The following DOCK9 variants were observed in gnomAD, a reference collection of about 807,000 sequenced individuals.
The protein encoded by DOCK9 is dedicator of cytokinesis 9, also known as dedicator of cytokinesis protein 9.
Under a neutral mutation model 263.3 loss-of-function variants are expected in DOCK9, and 89 were observed. That is an observed-to-expected ratio of 0.34 (90% CI 0.28 to 0.40). DOCK9 has a LOEUF of 0.40. Ranked by LOEUF, DOCK9 falls within the 10% of genes least tolerant of loss-of-function variation. The pLI, the probability that DOCK9 is intolerant of heterozygous loss-of-function variation, is 1.00. For missense variants in DOCK9, 2,140 were observed against 2,603.4 expected, an observed-to-expected ratio of 0.82 and a Z score of 3.87; for synonymous variants, 976 against 973.1, an observed-to-expected ratio of 1.00 and a Z score of -0.06.
At chr13:98,906,771 C>A (rs112154550) in intron 9 of DOCK9, among the ~76,000 whole-genome samples, 2 of 152,270 alleles carry the variant, frequency 1.3e-5, no homozygotes, top group African/African-American at 4.8e-5. Context: ...CCATGATCAG[C>A]TGTCTATGTT....
chr13:99,002,467 A>C (rs1453250755), intron 1 of DOCK9, among the ~76,000 whole-genome samples: 1 of 152,092 alleles, frequency 6.6e-6, no homozygotes, highest in African/African-American at 2.4e-5. Flanking sequence ...TCCACATTCT[A>C]ACCTCCTAGG....
chr13:98,911,602 GT>G (rs962465009), intron 9 of DOCK9, among the ~76,000 whole-genome samples: 12 of 151,566 alleles, frequency 7.9e-5, no homozygotes, highest in African/African-American at 2.9e-4. Context: ...ACTTTAAAAA[GT>G]TTTTTTTCAG....
intron 2 of DOCK9, among the ~76,000 whole-genome samples, chr13:98,942,220 G>GTTTT (rs60412646): frequency 3.4e-4 from 45 of 132,408 alleles, no homozygotes; most frequent in East Asian, 6.3e-4. Context: ...CTCTGGTTAT[G>GTTTT]TTTTTTTTTT....
intron 2 of DOCK9, among the ~76,000 whole-genome samples, chr13:98,930,872 A>C (rs553943317): frequency 6.6e-6 from 1 of 152,204 alleles, no homozygotes; most frequent in Non-Finnish European, 1.5e-5. Flanking sequence ...TCGAACTCCT[A>C]ATCTCAGGTG....
intron 1 of DOCK9, among the ~76,000 whole-genome samples, chr13:98,958,010 G>C (rs2058248837): frequency 2.0e-5 from 3 of 152,224 alleles, no homozygotes; most frequent in Non-Finnish European, 4.4e-5. Flanking sequence ...ACTCTCCCCA[G>C]GTAAGGCCCA....
At chr13:98,860,958 T>C (rs1240064327) in intron 32 of DOCK9, among the ~76,000 whole-genome samples, 1 of 152,232 alleles carries the variant, frequency 6.6e-6, no homozygotes, top group Non-Finnish European at 1.5e-5. Flanking sequence ...CTGTAGATGT[T>C]TGTAGCATCA....
At chr13:99,015,413 A>G (rs1339641485) in intron 1 of DOCK9, 1 of 1,531,108 alleles carries the variant, frequency 6.5e-7, no homozygotes, top group Non-Finnish European at 8.8e-7. Flanking sequence ...TAACACCATT[A>G]AACTACTTGT....
chr13:98,796,310 CAG>C (rs1424126651), intron 52 of DOCK9: 1 of 1,014,414 alleles, frequency 9.9e-7, no homozygotes, highest in East Asian at 2.6e-5. Context: ...ACTAAACTGT[CAG>C]GGGATAGGAT....
intron 27 of DOCK9, among the ~76,000 whole-genome samples, chr13:98,874,760 T>C (rs1272943366): frequency 3.9e-5 from 6 of 151,932 alleles, no homozygotes; most frequent in African/African-American, 1.2e-4. Flanking sequence ...GACTTATTGA[T>C]ATAAAAGTTT....
chr13:98,811,005 T>C (rs2091249625), intron 45 of DOCK9, among the ~76,000 whole-genome samples: 1 of 152,190 alleles, frequency 6.6e-6, no homozygotes. Flanking sequence ...TACCAGACTG[T>C]AGCTTGGCTG....
chr13:99,033,850 C>T (rs6491476), intron 1 of DOCK9, among the ~76,000 whole-genome samples: 75,225 of 151,888 alleles, frequency 0.5, 18,891 homozygotes, highest in East Asian at 0.65. Flanking sequence ...ATGCTCCCTA[C>T]ATATAGATGT....
rs982079317 is a variant in DOCK9 at position 98,793,615 on chromosome 13, TAAAAG to T, written c.*1006_*1010del. ...ATATAAAATTACTAAATTAAAGTCT[TAAAAG>T]AAAATATAACATGGTGACAGCTTTA... On this transcript the variant is annotated 3_prime_UTR_variant, in exon 53 of 53. Transcript: ENST00000682017. 2.0e-5 allele frequency: 3 copies of T among 152,606 alleles called. No individual in the cohort carries two copies. The highest frequency in any genetic ancestry group is 2.9e-5 in the Non-Finnish European group (2 of 68,036). The allele number at this position is 152,606 out of a possible 1,614,324, so 9.5% of individuals were successfully genotyped here. A position where few individuals can be genotyped will look rare whatever the true frequency, so the allele number is the denominator to read the frequency against.
chr13:98,885,511 G>A (rs901857799), intron 20 of DOCK9, 197 bp downstream of exon 20: 8 of 526,962 alleles, frequency 1.5e-5, no homozygotes, highest in Non-Finnish European at 2.5e-5. Flanking sequence ...AGGCTGAGGT[G>A]GAAGGACAGC....
chr13:99,008,277 G>T (rs1247202847), intron 1 of DOCK9, among the ~76,000 whole-genome samples: 2 of 135,530 alleles, frequency 1.5e-5, no homozygotes, highest in Non-Finnish European at 3.0e-5. Context: ...TTGTCCCCCA[G>T]GCTGAAGTGC....
At chr13:98,884,472 G>A (rs1348003214) in intron 21 of DOCK9, among the ~76,000 whole-genome samples, 5 of 152,166 alleles carry the variant, frequency 3.3e-5, no homozygotes, top group South Asian at 4.1e-4. Flanking sequence ...TTATAAAGCC[G>A]CAGTCTATAA....
intron 32 of DOCK9, 28 bp downstream of exon 32, chr13:98,862,991 C>T (rs2093918176): frequency 6.4e-7 from 1 of 1,569,566 alleles, no homozygotes; most frequent in African/African-American, 1.4e-5. Context: ...CTGATATAGG[C>T]TGAGTTAATG....
chr13:98,952,877 C>A (rs576049154), intron 2 of DOCK9, among the ~76,000 whole-genome samples: 44 of 152,300 alleles, frequency 2.9e-4, no homozygotes, highest in African/African-American at 1.0e-3. Context: ...CAGTAAATCA[C>A]CCCTCAGCAT....
chr13:99,004,082 T>C (rs1244224200), intron 1 of DOCK9, among the ~76,000 whole-genome samples: 1 of 152,176 alleles, frequency 6.6e-6, no homozygotes, highest in East Asian at 1.9e-4. Context: ...CTTTGCTCCC[T>C]CTGCAGAAAC....
intron 1 of DOCK9, among the ~76,000 whole-genome samples, chr13:99,052,773 T>C (rs1468065132): frequency 6.6e-6 from 1 of 152,002 alleles, no homozygotes; most frequent in Non-Finnish European, 1.5e-5. Context: ...CCTTCTTTTT[T>C]TTTTTTTTTA....
Sources: allele counts gnomAD v4.1 joint callset (sites outside exome capture counted in the v4.1 genomes callset), GRCh38; gene constraint gnomAD v4.1.1; transcripts MANE v1.5; gene names NCBI Gene and HGNC (gene_info 2026-07-23, HGNC 2026-07-21).